Variants in CCDC60 observed in about 807,000 individuals in gnomAD.
CCDC60 encodes the protein coiled-coil domain containing 60, also known as coiled-coil domain-containing protein 60.
A neutral mutation model predicts 63.5 loss-of-function variants in CCDC60; 54 were observed. The observed-to-expected ratio is 0.85, with a 90% CI of 0.68 to 1.07. The LOEUF (loss-of-function observed/expected upper bound fraction) is 1.07, where lower values mean the gene tolerates loss of function less well. Ranked by LOEUF, CCDC60 falls within the 50% of genes least tolerant of loss-of-function variation. CCDC60 has a pLI of 0.00. For missense variants in CCDC60, 651 were observed against 684.3 expected (o/e 0.95, Z 0.54); for synonymous variants, 206 against 238.8 (o/e 0.86, Z 1.27).
intron 1 of CCDC60, among the ~76,000 whole-genome samples, chr12:119,383,180 G>A (rs1004376545): frequency 4.6e-5 from 7 of 152,292 alleles, no homozygotes; most frequent in South Asian, 2.1e-4. Flanking sequence ...AAGCCAAGGC[G>A]GGAGAATTAC....
At chr12:119,504,602 G>A (rs1951942461) in intron 6 of CCDC60, among the ~76,000 whole-genome samples, 1 of 152,166 alleles carries the variant, frequency 6.6e-6, no homozygotes, top group South Asian at 2.1e-4. Flanking sequence ...TGAGGCCCAG[G>A]TGTCAACTGG....
At chr12:119,376,543 G>A (rs886066021) in intron 1 of CCDC60, among the ~76,000 whole-genome samples, 4 of 152,102 alleles carry the variant, frequency 2.6e-5, no homozygotes, top group Admixed American at 6.5e-5. Flanking sequence ...TGGGAGGATC[G>A]CTTGAACCTA....
At position 119,445,433 on chromosome 12, in the gene CCDC60, C is replaced by CAAAAAAAAAAAAAAAA. The variant is rs58415660; in HGVS notation, c.170+16679_170+16694dup. Among the ~76,000 whole-genome samples the CAAAAAAAAAAAAAAAA allele has an allele frequency of 1.3e-3, 36 of 27,194 alleles. 2 individuals carry two copies. Among genetic ancestry groups the CAAAAAAAAAAAAAAAA allele is most frequent in the Middle Eastern group, 0.048 (2 of 42 alleles). The allele number at this position is 27,194 out of a possible 152,430, so 17.8% of individuals were successfully genotyped here. A position where few individuals can be genotyped will look rare whatever the true frequency, so the allele number is the denominator to read the frequency against. Reference sequence around the variant, plus strand: ...TGAGTGACAGAGCGAGACTCCATCTCAAAAAAAAAAAAAAAAAAAAAAAGG... The same window carrying CAAAAAAAAAAAAAAAA: ...TGAGTGACAGAGCGAGACTCCATCTCAAAAAAAAAAAAAAAAAAAAAAAAAAAAAAAAAAAAAAAGG... On this transcript the variant is annotated intron_variant, in intron 2 of 13. Transcript: ENST00000327554.
chr12:119,444,081 C>A (rs151239075), intron 2 of CCDC60, among the ~76,000 whole-genome samples: 1 of 152,288 alleles, frequency 6.6e-6, no homozygotes, highest in African/African-American at 2.4e-5. Flanking sequence ...TGCAGGGACC[C>A]AAAGTTGTCT....
chr12:119,381,787 C>T (rs1280171439), intron 1 of CCDC60, among the ~76,000 whole-genome samples: 1 of 152,180 alleles, frequency 6.6e-6, no homozygotes, highest in Non-Finnish European at 1.5e-5. Context: ...GATCTGTGGC[C>T]CCAAAGTCTC....
chr12:119,494,956 G>A (rs1328237459), intron 5 of CCDC60, among the ~76,000 whole-genome samples: 3 of 152,160 alleles, frequency 2.0e-5, no homozygotes, highest in African/African-American at 7.2e-5. Context: ...ACTCCAGCCT[G>A]GGCAACAAAA....
intron 6 of CCDC60, 24 bp downstream of exon 6, chr12:119,500,192 C>T: frequency 1.4e-6 from 2 of 1,472,172 alleles, no homozygotes; most frequent in South Asian, 2.3e-5. Context: ...CGCGACTCAA[C>T]CCTTTGGCTC....
chr12:119,355,602 A>G (rs1311398701), intron 1 of CCDC60, among the ~76,000 whole-genome samples: 1 of 152,052 alleles, frequency 6.6e-6, no homozygotes, highest in African/African-American at 2.4e-5. Context: ...GGAAGAATTC[A>G]AGGTCAAGCT....
Position 119,369,800 on chromosome 12 carries a change from C to T in CCDC60, c.90+34534C>T, listed in dbSNP as rs553801044. Among the ~76,000 whole-genome samples the T allele has an allele frequency of 3.9e-5, 6 of 152,196 alleles. No individual in the cohort carries two copies. The East Asian group carries it at 5.8e-4, about 15-fold the overall frequency. On this transcript the variant is annotated intron_variant, in intron 1 of 13. Transcript: ENST00000327554. ...GCCTGCTGCCTCCCAGTACCTAGCA[C>T]GGGGCCTGGCATGGAGCAGGTGCCA...
At chr12:119,511,639 G>A (rs1952216816) in intron 7 of CCDC60, among the ~76,000 whole-genome samples, 1 of 152,222 alleles carries the variant, frequency 6.6e-6, no homozygotes, top group Non-Finnish European at 1.5e-5. Context: ...TTCTTAGACA[G>A]GCTGGGCATG....
intron 3 of CCDC60, among the ~76,000 whole-genome samples, chr12:119,477,904 G>GCACA (rs145711705): frequency 3.3e-5 from 5 of 150,068 alleles, no homozygotes; most frequent in African/African-American, 7.4e-5. Context: ...TTGCACACAC[G>GCACA]CACACACACA....
intron 11 of CCDC60, among the ~76,000 whole-genome samples, chr12:119,525,677 C>T (rs1237162352): frequency 2.6e-5 from 4 of 152,118 alleles, no homozygotes; most frequent in Non-Finnish European, 5.9e-5. Flanking sequence ...AGACTGCTAT[C>T]AGCTAATACA....
chr12:119,387,009 C>A (rs1956071455), intron 1 of CCDC60, among the ~76,000 whole-genome samples: 1 of 145,492 alleles, frequency 6.9e-6, no homozygotes, highest in Non-Finnish European at 1.5e-5. Flanking sequence ...CTCTCTCTCT[C>A]TCCCTCCCTC....
At chr12:119,348,511 G>A (rs1037300658) in intron 1 of CCDC60, among the ~76,000 whole-genome samples, 4 of 152,118 alleles carry the variant, frequency 2.6e-5, no homozygotes, top group African/African-American at 9.7e-5. Flanking sequence ...CTCATTCTAG[G>A]TTTTGAGTCC....
rs756501980 is a variant in CCDC60, at chr12:119,520,232, C to G, written c.1040+40C>G. On this transcript the variant is annotated intron_variant, in intron 9 of 13. Coordinates refer to ENST00000327554, the MANE Select transcript of CCDC60 (RefSeq NM_178499.5). ...AGCCTGCAGCAGGTGCCTCCGAAGG[C>G]AGCCCACACTTACAGGGGCCACTGC... 35 of 1,565,884 alleles carry G rather than the reference C, an allele frequency of 2.2e-5. No homozygotes were observed. The South Asian group carries it at 3.9e-4, about 17-fold the overall frequency.
At chr12:119,351,906 C>T (rs1272268585) in intron 1 of CCDC60, among the ~76,000 whole-genome samples, 1 of 152,150 alleles carries the variant, frequency 6.6e-6, no homozygotes, top group Non-Finnish European at 1.5e-5. Context: ...AAGTCATCTC[C>T]ACATTTTCAG....
At chr12:119,507,604 A>ATTTTT (rs1566050749) in intron 7 of CCDC60, among the ~76,000 whole-genome samples, 13 of 25,190 alleles carry the variant, frequency 5.2e-4, no homozygotes, top group African/African-American at 3.1e-3. Context: ...ATATATATAT[A>ATTTTT]TATATATATA....
chr12:119,445,433 CAAA>C (rs58415660), intron 2 of CCDC60, among the ~76,000 whole-genome samples: 7 of 27,192 alleles, frequency 2.6e-4, no homozygotes, highest in East Asian at 1.3e-3. Flanking sequence ...GACTCCATCT[CAAA>C]AAAAAAAAAA....
At chr12:119,377,254 C>CAAAAAAAAAAAAAAAAAA (rs60100165) in intron 1 of CCDC60, among the ~76,000 whole-genome samples, 2 of 47,444 alleles carry the variant, frequency 4.2e-5, no homozygotes, top group East Asian at 1.0e-3. Flanking sequence ...CACTCCATCT[C>CAAAAAAAAAAAAAAAAAA]AAAAAAAAAA....
Sources: gnomAD v4.1 joint callset for allele counts (sites outside exome capture counted in the v4.1 genomes callset) on GRCh38, gnomAD v4.1.1 for gene constraint, MANE v1.5 for transcripts, NCBI Gene and HGNC (gene_info 2026-07-23, HGNC 2026-07-21) for gene names.